Variants in PEBP4 observed in about 807,000 individuals in gnomAD.
PEBP4 encodes the protein phosphatidylethanolamine binding protein 4, also known as phosphatidylethanolamine-binding protein 4.
A neutral mutation model predicts 23.9 loss-of-function variants in PEBP4; 22 were observed. The ratio of observed to expected loss-of-function variants is 0.92; its 90% CI spans 0.66 to 1.31. PEBP4 has a LOEUF of 1.31. PEBP4 is among the 40% of genes most tolerant of loss of function. PEBP4 has a pLI of 0.00. For missense variants in PEBP4, 324 were observed against 281.7 expected, an observed-to-expected ratio of 1.15 and a Z score of -1.07; for synonymous variants, 112 against 99.3, an observed-to-expected ratio of 1.13 and a Z score of -0.76.
At chr8:22,732,149 C>CT (rs11388653) in intron 4 of PEBP4, among the ~76,000 whole-genome samples, 28,093 of 151,972 alleles carry the variant, frequency 0.18, 2,757 homozygotes, top group Middle Eastern at 0.22. Flanking sequence ...CATTCTGGGC[C>CT]TTCTAAGTTT....
At chr8:22,772,689 C>T (rs1176643031) in intron 4 of PEBP4, among the ~76,000 whole-genome samples, 2 of 152,116 alleles carry the variant, frequency 1.3e-5, no homozygotes, top group Non-Finnish European at 2.9e-5. Flanking sequence ...AGTGCCTCTG[C>T]GCAGGCCACA....
intron 4 of PEBP4, among the ~76,000 whole-genome samples, chr8:22,816,629 T>A (rs770315677): frequency 6.6e-6 from 1 of 152,196 alleles, no homozygotes; most frequent in Admixed American, 6.5e-5. Flanking sequence ...CAGAGCAAGA[T>A]GAAATGCCCA....
chr8:22,926,981 C>T (rs567979758), intron 2 of PEBP4, among the ~76,000 whole-genome samples: 1 of 152,232 alleles, frequency 6.6e-6, no homozygotes, highest in East Asian at 1.9e-4. Context: ...GCTTTTCTAA[C>T]CGGCAGAGTT....
intron 4 of PEBP4, among the ~76,000 whole-genome samples, chr8:22,794,717 A>G (rs762862239): frequency 6.6e-6 from 1 of 152,140 alleles, no homozygotes; most frequent in Non-Finnish European, 1.5e-5. Context: ...TTTTATTTAC[A>G]GAAGTTTGAA....
chr8:22,774,484 G>A (rs1395165699), intron 4 of PEBP4, among the ~76,000 whole-genome samples: 3 of 152,220 alleles, frequency 2.0e-5, no homozygotes, highest in Non-Finnish European at 4.4e-5. Flanking sequence ...ATAGGCAGCT[G>A]TCTACTCACT....
chr8:22,920,447 G>T, intron 2 of PEBP4, 137 bp from the exon 3 acceptor site: 1 of 1,044,074 alleles, frequency 9.6e-7, no homozygotes, highest in Non-Finnish European at 1.3e-6. Flanking sequence ...CTAGTTGTGT[G>T]ACCGAAGAGT....
At chr8:22,818,020 T>A (rs574059164) in intron 3 of PEBP4, among the ~76,000 whole-genome samples, 1 of 152,348 alleles carries the variant, frequency 6.6e-6, no homozygotes, top group East Asian at 1.9e-4. Flanking sequence ...CTGAGCGCTG[T>A]GCTGAGTGCC....
At chr8:22,903,723 G>A (rs1277717863) in intron 3 of PEBP4, among the ~76,000 whole-genome samples, 8 of 152,206 alleles carry the variant, frequency 5.3e-5, no homozygotes, top group Non-Finnish European at 1.0e-4. Flanking sequence ...CTACACCCTA[G>A]AGCTCCGAGA....
chr8:22,746,027 T>C (rs1805107765), intron 4 of PEBP4, among the ~76,000 whole-genome samples: 1 of 152,230 alleles, frequency 6.6e-6, no homozygotes, highest in South Asian at 2.1e-4. Context: ...TGCTCATGTG[T>C]CTGTGGAATT....
chr8:22,788,584 C>A (rs1440253781), intron 4 of PEBP4, among the ~76,000 whole-genome samples: 1 of 152,170 alleles, frequency 6.6e-6, no homozygotes, highest in Non-Finnish European at 1.5e-5. Flanking sequence ...TCGGTTTCCT[C>A]ATCTGTAAAC....
At chr8:22,927,799 G>T in intron 1 of PEBP4, 24 bp downstream of exon 1, 1 of 1,570,472 alleles carries the variant, frequency 6.4e-7, no homozygotes, top group African/African-American at 1.4e-5. Flanking sequence ...CCGACCCCAG[G>T]GGCCCACTTG....
At position 22,927,629 on chromosome 8, in the gene PEBP4, G is replaced by A. The variant is rs202161701; in HGVS notation, c.86C>T (p.Pro29Leu). The change falls in exon 2 of 7, where the codon CCG becomes CTG. Residue 29 changes from proline to leucine, a missense_variant. Pro to Leu is a moderately conservative substitution (Grantham distance 98, BLOSUM62 -3). Transcript: ENST00000256404. ...GTCCAAGAGGGCCTCATGGGCACAC[G>A]GGCTGTTCTCATCCTCGTCTCCAGT... ...VVTGDEDENS[P>L]CAHEALLDED... The A allele has an allele frequency of 3.2e-5, 51 of 1,613,746 alleles. No individual in the cohort carries two copies. The East Asian group carries it at 7.6e-4, about 24-fold the overall frequency.
chr8:22,832,423 ACT>A (rs1184228512), intron 3 of PEBP4, among the ~76,000 whole-genome samples: 1 of 152,192 alleles, frequency 6.6e-6, no homozygotes, highest in Non-Finnish European at 1.5e-5. Flanking sequence ...CTTGTCAGAC[ACT>A]GAATCTGCTG....
chr8:22,823,712 A>G (rs141479861), intron 3 of PEBP4, among the ~76,000 whole-genome samples: 5 of 152,204 alleles, frequency 3.3e-5, no homozygotes, highest in African/African-American at 1.2e-4. Context: ...AAATTCAAAG[A>G]CAATAAACTG....
At chr8:22,920,598 TATA>T (rs1809180046) in intron 2 of PEBP4, among the ~76,000 whole-genome samples, 1 of 152,244 alleles carries the variant, frequency 6.6e-6, no homozygotes, top group South Asian at 2.1e-4. Flanking sequence ...CATCAGAAAG[TATA>T]ATATTAATTA....
chr8:22,807,965 C>A (rs1806535846), intron 4 of PEBP4, among the ~76,000 whole-genome samples: 1 of 151,966 alleles, frequency 6.6e-6, no homozygotes, highest in African/African-American at 2.4e-5. Flanking sequence ...ATTCATCCAT[C>A]CGTCTATCCA....
At chr8:22,778,016 C>G (rs1805848644) in intron 4 of PEBP4, among the ~76,000 whole-genome samples, 1 of 152,178 alleles carries the variant, frequency 6.6e-6, no homozygotes, top group Non-Finnish European at 1.5e-5. Flanking sequence ...CAGAGTCCCA[C>G]AACGATGGGA....
At chr8:22,883,074 G>C (rs1308084161) in intron 3 of PEBP4, among the ~76,000 whole-genome samples, 1 of 152,118 alleles carries the variant, frequency 6.6e-6, no homozygotes, top group Non-Finnish European at 1.5e-5. Flanking sequence ...TCCTTCATGA[G>C]AGCCATTTCT....
At chr8:22,934,612 G>A (rs948780984) in intron 1 of PEBP4, among the ~76,000 whole-genome samples, 3 of 152,136 alleles carry the variant, frequency 2.0e-5, no homozygotes, top group African/African-American at 7.2e-5. Context: ...TGAGGTGAGA[G>A]GATCACTTGA....
Sources: gnomAD v4.1 joint callset for allele counts (sites outside exome capture counted in the v4.1 genomes callset) on GRCh38, gnomAD v4.1.1 for gene constraint, MANE v1.5 for transcripts, NCBI Gene and HGNC (gene_info 2026-07-23, HGNC 2026-07-21) for gene names.